Variants in STK38L observed in about 807,000 individuals in gnomAD.
The protein encoded by STK38L is serine/threonine kinase 38 like.
Under a neutral mutation model 59.7 loss-of-function variants are expected in STK38L, and 28 were observed. The observed-to-expected ratio is 0.47, with a 90% CI of 0.35 to 0.64. The LOEUF (loss-of-function observed/expected upper bound fraction) is 0.64, where lower values mean the gene tolerates loss of function less well. Among genes scored for constraint, STK38L ranks in the 30% least tolerant of loss-of-function variants. STK38L has a pLI of 0.01. For missense variants in STK38L, 314 were observed against 555.8 expected (o/e 0.56, Z 4.37); for synonymous variants, 162 against 176.8 (o/e 0.92, Z 0.66).
intron 1 of STK38L, among the ~76,000 whole-genome samples, chr12:27,248,664 C>G (rs941375825): frequency 2.0e-5 from 3 of 152,238 alleles, no homozygotes; most frequent in Non-Finnish European, 4.4e-5. Flanking sequence ...GAGTCATAGT[C>G]TCTGTGAACG....
chr12:27,266,124 CT>C (rs1943296511), intron 1 of STK38L, among the ~76,000 whole-genome samples: 3 of 152,284 alleles, frequency 2.0e-5, no homozygotes, highest in Admixed American at 6.5e-5. Flanking sequence ...TTGTGTCAGA[CT>C]TTTTTCTTAA....
intron 1 of STK38L, among the ~76,000 whole-genome samples, chr12:27,277,976 A>C (rs1310672348): frequency 6.6e-6 from 1 of 152,208 alleles, no homozygotes; most frequent in Non-Finnish European, 1.5e-5. Flanking sequence ...TATGGATGCA[A>C]GTCCAGTGGA....
intron 1 of STK38L, among the ~76,000 whole-genome samples, chr12:27,254,822 A>G (rs1943056011): frequency 6.6e-6 from 1 of 152,176 alleles, no homozygotes; most frequent in Non-Finnish European, 1.5e-5. Context: ...GAAAAAGTAC[A>G]TATGGTTAAA....
chr12:27,320,081 A>G (rs890712133), intron 12 of STK38L, among the ~76,000 whole-genome samples: 1 of 151,790 alleles, frequency 6.6e-6, no homozygotes, highest in Non-Finnish European at 1.5e-5. Flanking sequence ...GGCCTCTCCT[A>G]CTCCTCTTCC....
chr12:27,248,062 G>A (rs1942895159), intron 1 of STK38L, among the ~76,000 whole-genome samples: 1 of 152,096 alleles, frequency 6.6e-6, no homozygotes, highest in South Asian at 2.1e-4. Context: ...TGATCCTCCT[G>A]CCTTGGCCTC....
chr12:27,286,338 A>AAAATTTGG (rs1943772396), intron 1 of STK38L, among the ~76,000 whole-genome samples: 4 of 152,182 alleles, frequency 2.6e-5, no homozygotes, highest in African/African-American at 9.7e-5. Context: ...CCTATTATTG[A>AAAATTTGG]AAATTTGGAA....
intron 2 of STK38L, among the ~76,000 whole-genome samples, chr12:27,299,751 T>C (rs1944117821): frequency 6.6e-6 from 1 of 151,340 alleles, no homozygotes; most frequent in African/African-American, 2.4e-5. Context: ...AAAAATAGAG[T>C]TTGTAATTTC....
At chr12:27,274,678 A>G (rs370539536) in intron 1 of STK38L, among the ~76,000 whole-genome samples, 33 of 152,204 alleles carry the variant, frequency 2.2e-4, no homozygotes, top group Admixed American at 4.6e-4. Context: ...AATACATACT[A>G]TTGTTCAATG....
At chr12:27,303,716 A>G (rs1944237674) in intron 3 of STK38L, among the ~76,000 whole-genome samples, 1 of 152,174 alleles carries the variant, frequency 6.6e-6, no homozygotes, top group Non-Finnish European at 1.5e-5. Flanking sequence ...AGGATCAGAA[A>G]ATGTTTCATA....
intron 1 of STK38L, among the ~76,000 whole-genome samples, chr12:27,264,013 G>C (rs1271661360): frequency 6.6e-6 from 1 of 152,220 alleles, no homozygotes; most frequent in African/African-American, 2.4e-5. Context: ...GATATTCCAA[G>C]GGTTAGTGGT....
At position 27,271,464 on chromosome 12, in the gene STK38L, G is replaced by A. The variant is rs530157641; in HGVS notation, c.-11-26246G>A. ...TTTTGGTTCCTCATGAGTGGATGCT[G>A]GCCTCTGAAGGATTTCAGAAAATTC... On this transcript the variant is annotated intron_variant, in intron 1 of 13. Coordinates refer to ENST00000389032, the MANE Select transcript of STK38L (RefSeq NM_015000.4). Among the ~76,000 whole-genome samples the A allele has an allele frequency of 5.3e-5, 8 of 152,260 alleles. No homozygotes were observed. In the East Asian group the frequency reaches 1.5e-3, roughly 29 times the overall value.
At chr12:27,318,703 A>T (rs545000833) in intron 11 of STK38L, among the ~76,000 whole-genome samples, 59 of 152,288 alleles carry the variant, frequency 3.9e-4, no homozygotes, top group African/African-American at 1.3e-3. Context: ...TAGAAAACAA[A>T]TTTATTGGCT....
At chr12:27,291,266 T>C (rs1477808772) in intron 1 of STK38L, among the ~76,000 whole-genome samples, 1 of 152,234 alleles carries the variant, frequency 6.6e-6, no homozygotes, top group Non-Finnish European at 1.5e-5. Context: ...TGCCATTTAA[T>C]CAAATATACT....
rs533755625 is a variant in STK38L at position 27,284,036 on chromosome 12, G to C, written c.-11-13674G>C. 8.5e-5 allele frequency among the ~76,000 whole-genome samples: 13 copies of C among 152,220 alleles called. 1 individual carries two copies. Among genetic ancestry groups the C allele is most frequent in the Non-Finnish European group, 1.8e-4 (12 of 68,050 alleles). The stretch of plus-strand genomic sequence containing the variant: ...GTCATAATATTTTAGTTTCCAGCAA[G>C]TTTGGGATAAAATTGTCATTCTTTG... On this transcript the variant is annotated intron_variant, in intron 1 of 13. Coordinates refer to ENST00000389032, the MANE Select transcript of STK38L (RefSeq NM_015000.4).
Position 27,325,843 on chromosome 12 carries a change from A to G in STK38L, c.*3388A>G, listed in dbSNP as rs906707236. 1.7e-4 allele frequency: 26 copies of G among 152,190 alleles called. No homozygotes were observed. The highest frequency in any genetic ancestry group is 6.0e-4 in the African/African-American group (25 of 41,456). 9.4% of individuals were successfully genotyped at this position (152,190 alleles called of 1,614,324 possible). A position where few individuals can be genotyped will look rare whatever the true frequency, so the allele number is the denominator to read the frequency against. ...ATATAATTCAGCAATTGTCTAGAAA[A>G]GTAATCATGAGGCTACTGAGTTTGG... On this transcript the variant is annotated 3_prime_UTR_variant, in exon 14 of 14. Coordinates refer to ENST00000389032, the MANE Select transcript of STK38L (RefSeq NM_015000.4).
chr12:27,254,803 G>A (rs774507891), intron 1 of STK38L, among the ~76,000 whole-genome samples: 6 of 151,946 alleles, frequency 3.9e-5, no homozygotes, highest in Admixed American at 1.3e-4. Flanking sequence ...GCACAGAGAG[G>A]GGGCGGGAGA....
At chr12:27,286,649 T>G (rs1259188320) in intron 1 of STK38L, among the ~76,000 whole-genome samples, 4 of 152,192 alleles carry the variant, frequency 2.6e-5, no homozygotes, top group Non-Finnish European at 5.9e-5. Flanking sequence ...AAAAAAAATC[T>G]TTGTGGCAAT....
At chr12:27,262,709 T>TAAAAAA (rs11350734) in intron 1 of STK38L, among the ~76,000 whole-genome samples, 1 of 133,042 alleles carries the variant, frequency 7.5e-6, no homozygotes, top group Non-Finnish European at 1.6e-5. Flanking sequence ...TATCTCTAAT[T>TAAAAAA]AAAAAAAAAA....
At chr12:27,253,977 T>G (rs1462209121) in intron 1 of STK38L, among the ~76,000 whole-genome samples, 1 of 152,178 alleles carries the variant, frequency 6.6e-6, no homozygotes, top group Non-Finnish European at 1.5e-5. Context: ...CAACCTGGAG[T>G]GCAGTGCTGG....
Sources: allele counts gnomAD v4.1 joint callset (sites outside exome capture counted in the v4.1 genomes callset), GRCh38; gene constraint gnomAD v4.1.1; transcripts MANE v1.5; gene names NCBI Gene and HGNC (gene_info 2026-07-23, HGNC 2026-07-21).